ATP8B1: variants seen among roughly 807,000 people sequenced by gnomAD.
The protein encoded by ATP8B1 is phospholipid-transporting ATPase IC.
ATP8B1 carries 80 observed loss-of-function variants against 149.9 expected under a neutral mutation model. The observed-to-expected ratio is 0.53, with a 90% CI of 0.45 to 0.64. ATP8B1 has a LOEUF of 0.64. ATP8B1 is among the 30% of genes least tolerant of loss of function. The pLI, the probability that ATP8B1 is intolerant of heterozygous loss-of-function variation, is 0.00. For missense variants in ATP8B1, 1,247 were observed against 1,552.6 expected (o/e 0.80, Z 3.31); for synonymous variants, 536 against 562.8 (o/e 0.95, Z 0.67).
chr18:57,791,926 A>G (rs989982821), intron 1 of ATP8B1, among the ~76,000 whole-genome samples: 2 of 152,220 alleles, frequency 1.3e-5, no homozygotes, highest in African/African-American at 4.8e-5. Context: ...GGGGAAGGGC[A>G]TGTCTGCTTT....
rs1249043461 is a variant in ATP8B1 at position 57,691,855 on chromosome 18, C to A, written c.1172G>T (p.Gly391Val). ...PSYRGFLIFW[G>V]YIIVLNTMVP... is the part of the protein sequence containing the mutation. ...CATGGTGTTGAGAACAATGATATAG[C>A]CCCAGAAAATGAGGAATCCACGGTA... is the stretch of plus-strand genomic sequence containing the variant. Residue 391 changes from glycine (G) to valine (V), a missense_variant, in exon 12 of 28, where the codon GGC becomes GTC. This residue lies in a region of ATP8B1 where 853 missense variants were observed against 1,035.7 expected (regional missense o/e 0.82). Coordinates refer to ENST00000648908, the MANE Select transcript of ATP8B1 (RefSeq NM_001374385.1). 1.2e-6 allele frequency: 2 copies of A among 1,613,946 alleles called. No homozygotes were observed. Among genetic ancestry groups the A allele is most frequent in the Non-Finnish European group, 1.7e-6 (2 of 1,180,008 alleles).
intron 1 of ATP8B1, among the ~76,000 whole-genome samples, chr18:57,795,402 T>C (rs1384398110): frequency 6.6e-6 from 1 of 151,946 alleles, no homozygotes; most frequent in African/African-American, 2.4e-5. Flanking sequence ...GACCTTGTCT[T>C]AAAAAAAATT....
chr18:57,719,209 G>A (rs1308268613), intron 2 of ATP8B1, among the ~76,000 whole-genome samples: 2 of 152,188 alleles, frequency 1.3e-5, no homozygotes, highest in African/African-American at 4.8e-5. Context: ...TATGCCAACA[G>A]CAAACAATCT....
chr18:57,731,903 C>CTGCT, intron 1 of ATP8B1, 71 bp from the exon 2 acceptor site: 1 of 1,317,988 alleles, frequency 7.6e-7, no homozygotes, highest in Non-Finnish European at 1.1e-6. Context: ...TGCCTGCATG[C>CTGCT]TGCTACAATG....
At chr18:57,694,724 C>T in intron 10 of ATP8B1, 54 bp from the exon 11 acceptor site, 1 of 1,193,696 alleles carries the variant, frequency 8.4e-7, no homozygotes, top group Non-Finnish European at 1.2e-6. Context: ...AATTCACTAG[C>T]TCACCAATAA....
chr18:57,699,503 G>A (rs1044571492), intron 6 of ATP8B1, among the ~76,000 whole-genome samples: 13 of 151,876 alleles, frequency 8.6e-5, no homozygotes, highest in African/African-American at 2.2e-4. Context: ...TTGGGAGGCC[G>A]AGGTGAGTGG....
intron 15 of ATP8B1, among the ~76,000 whole-genome samples, chr18:57,681,762 T>C (rs1309369288): frequency 1.3e-5 from 2 of 151,728 alleles, no homozygotes; most frequent in Non-Finnish European, 2.9e-5. Context: ...GATCATGCCA[T>C]TGCACTCCAG....
chr18:57,667,391 A>G, intron 19 of ATP8B1: 5 of 522,138 alleles, frequency 9.6e-6, no homozygotes, highest in South Asian at 6.4e-5. Context: ...CCAAGCCACC[A>G]AACAATTTGT....
chr18:57,704,030 G>A (rs190159852), intron 4 of ATP8B1, among the ~76,000 whole-genome samples: 12 of 149,292 alleles, frequency 8.0e-5, no homozygotes, highest in Admixed American at 5.3e-4. Flanking sequence ...GCAATGGTGT[G>A]ATCTCGGCTC....
At chr18:57,783,306 T>C (rs1232301975) in intron 1 of ATP8B1, among the ~76,000 whole-genome samples, 6 of 152,188 alleles carry the variant, frequency 3.9e-5, no homozygotes, top group Non-Finnish European at 8.8e-5. Context: ...TATTTATATA[T>C]CTTTATGTTT....
intron 1 of ATP8B1, among the ~76,000 whole-genome samples, chr18:57,797,633 T>G (rs2080527168): frequency 6.7e-6 from 1 of 149,036 alleles, no homozygotes; most frequent in Admixed American, 6.7e-5. Flanking sequence ...AAAGAAACCA[T>G]CCCTCCATGC....
chr18:57,768,475 C>T (rs530241612), intron 1 of ATP8B1, among the ~76,000 whole-genome samples: 20 of 148,128 alleles, frequency 1.4e-4, no homozygotes, highest in African/African-American at 5.0e-4. Context: ...AGAATCATAC[C>T]TATTCTCCAA....
At chr18:57,753,952 AGAAAGAAAAG>A (rs2080050755) in intron 1 of ATP8B1, among the ~76,000 whole-genome samples, 1 of 45,788 alleles carries the variant, frequency 2.2e-5, no homozygotes, top group African/African-American at 2.1e-4. Flanking sequence ...AAAAAAAGAA[AGAAAGAAAAG>A]AAAAAAAAAA....
rs79056884 is a variant in ATP8B1 at position 57,770,557 on chromosome 18, C to A, written c.-26+32441G>T. Among the ~76,000 whole-genome samples, 185 of 152,312 alleles carry A rather than the reference C, an allele frequency of 1.2e-3. 1 individual carries two copies. Among genetic ancestry groups the A allele is most frequent in the Non-Finnish European group, 2.1e-3 (140 of 68,020 alleles). Reference sequence around the variant, plus strand: ...GCCGGCCCACCCTCAGAACAGGGTACCCCTGGAGCCAAATTGTTGAGGCAG... The same window carrying A: ...GCCGGCCCACCCTCAGAACAGGGTAACCCTGGAGCCAAATTGTTGAGGCAG... On this transcript the variant is annotated intron_variant, in intron 1 of 27. Transcript: ENST00000648908.
intron 1 of ATP8B1, among the ~76,000 whole-genome samples, chr18:57,790,144 A>T (rs2080448744): frequency 6.6e-6 from 1 of 151,990 alleles, no homozygotes; most frequent in Non-Finnish European, 1.5e-5. Flanking sequence ...AATCCAACCC[A>T]TCACCAAGAC....
intron 1 of ATP8B1, among the ~76,000 whole-genome samples, chr18:57,759,276 A>G (rs1222215973): frequency 1.3e-5 from 2 of 151,762 alleles, no homozygotes; most frequent in Non-Finnish European, 2.9e-5. Flanking sequence ...CTTAAAGTCT[A>G]GCTTTCCTTT....
intron 3 of ATP8B1, among the ~76,000 whole-genome samples, chr18:57,706,126 A>G (rs1044157375): frequency 1.3e-5 from 2 of 152,242 alleles, no homozygotes; most frequent in East Asian, 3.8e-4. Flanking sequence ...CTCTAAATCC[A>G]TTCCAGGCAG....
At chr18:57,672,412 G>A (rs1352469870) in intron 16 of ATP8B1, among the ~76,000 whole-genome samples, 3 of 152,114 alleles carry the variant, frequency 2.0e-5, no homozygotes, top group Admixed American at 2.0e-4. Context: ...TCTGTGTAAG[G>A]GACACAGAAA....
chr18:57,787,432 CGGG>C (rs1568071690), intron 1 of ATP8B1, among the ~76,000 whole-genome samples: 40 of 135,452 alleles, frequency 3.0e-4, no homozygotes, highest in African/African-American at 9.6e-4. Context: ...TAGAACACTG[CGGG>C]AGGAGCTCCA....
Sources: allele counts gnomAD v4.1 joint callset (sites outside exome capture counted in the v4.1 genomes callset), GRCh38; gene constraint gnomAD v4.1.1; regional missense constraint gnomAD v4.1.1; transcripts MANE v1.5; gene names NCBI Gene and HGNC (gene_info 2026-07-23, HGNC 2026-07-21).